CALN1: variants seen among roughly 807,000 people sequenced by gnomAD.
CALN1 encodes calcium-binding protein 8.
CALN1 carries 17 observed loss-of-function variants against 30.6 expected under a neutral mutation model. The ratio of observed to expected loss-of-function variants is 0.56; its 90% CI spans 0.38 to 0.83. The LOEUF (loss-of-function observed/expected upper bound fraction) is 0.83. CALN1 is among the 40% of genes least tolerant of loss of function. The pLI is 0.00. For missense variants in CALN1, 291 were observed against 354.9 expected (o/e 0.82, Z 1.45); for synonymous variants, 156 against 131.4 (o/e 1.19, Z -1.28).
intron 6 of CALN1, among the ~76,000 whole-genome samples, chr7:71,799,111 G>T (rs925772639): frequency 6.6e-6 from 1 of 152,180 alleles, no homozygotes; most frequent in African/African-American, 2.4e-5. Flanking sequence ...GAAGATAACT[G>T]GGGCTAGGGA....
chr7:72,362,932 C>T (rs1338161684), intron 2 of CALN1, among the ~76,000 whole-genome samples: 5 of 152,222 alleles, frequency 3.3e-5, no homozygotes, highest in Non-Finnish European at 7.3e-5. Context: ...TTTGCCCAGG[C>T]ACCTGTCCCG....
rs188410236 is a variant in CALN1 at position 72,383,926 on chromosome 7, T to A, written c.119+19325A>T. On this transcript the variant is annotated intron_variant, in intron 2 of 6. Coordinates refer to ENST00000395275, the MANE Select transcript of CALN1 (RefSeq NM_031468.4). ...AGGTTTGTTACATAGGGATACATGT[T>A]GACCCAGCAATCCCATTACTGGGTA... 5.3e-5 allele frequency among the ~76,000 whole-genome samples: 8 copies of A among 152,358 alleles called. No individual in the cohort carries two copies. The East Asian group carries it at 1.3e-3, about 26-fold the overall frequency.
chr7:72,249,132 G>C (rs1160474138), intron 3 of CALN1, among the ~76,000 whole-genome samples: 2 of 152,176 alleles, frequency 1.3e-5, no homozygotes, highest in African/African-American at 4.8e-5. Flanking sequence ...GACCTGATTA[G>C]ACACAGACAT....
At chr7:71,792,579 C>T (rs892736523) in intron 6 of CALN1, among the ~76,000 whole-genome samples, 4 of 151,938 alleles carry the variant, frequency 2.6e-5, no homozygotes, top group African/African-American at 7.3e-5. Flanking sequence ...GGGCTTTATC[C>T]CATCAGTAGG....
At chr7:72,024,485 G>A (rs1202805376) in intron 4 of CALN1, among the ~76,000 whole-genome samples, 1 of 152,062 alleles carries the variant, frequency 6.6e-6, no homozygotes, top group Non-Finnish European at 1.5e-5. Flanking sequence ...TGCAACCTCT[G>A]CCTCCTGGGT....
At chr7:72,143,547 C>T (rs1810116032) in intron 3 of CALN1, among the ~76,000 whole-genome samples, 1 of 152,208 alleles carries the variant, frequency 6.6e-6, no homozygotes, top group Non-Finnish European at 1.5e-5. Flanking sequence ...TTGGAAAACA[C>T]TCTGCAGGAT....
chr7:72,008,536 T>C (rs1317642138), intron 5 of CALN1, among the ~76,000 whole-genome samples: 1 of 151,532 alleles, frequency 6.6e-6, no homozygotes, highest in African/African-American at 2.4e-5. Context: ...AATACTAGAA[T>C]GAAAACAGAG....
At chr7:72,296,286 T>C (rs1248776649) in intron 2 of CALN1, among the ~76,000 whole-genome samples, 37 of 148,048 alleles carry the variant, frequency 2.5e-4, no homozygotes, top group African/African-American at 8.7e-4. Flanking sequence ...TGAGGATTTT[T>C]GCATCAATGT....
intron 2 of CALN1, among the ~76,000 whole-genome samples, chr7:72,371,095 G>C (rs1002310962): frequency 6.7e-6 from 1 of 149,644 alleles, no homozygotes; most frequent in South Asian, 2.1e-4. Context: ...GATAAAGTCT[G>C]GTATATTAAT....
intron 2 of CALN1, among the ~76,000 whole-genome samples, chr7:72,367,499 C>A (rs1803946486): frequency 6.6e-6 from 1 of 152,036 alleles, no homozygotes; most frequent in Non-Finnish European, 1.5e-5. Flanking sequence ...GTGGTGCATG[C>A]CTGTGATCCC....
At chr7:72,225,933 T>TA (rs1383659915) in intron 3 of CALN1, among the ~76,000 whole-genome samples, 1 of 151,830 alleles carries the variant, frequency 6.6e-6, no homozygotes, top group Admixed American at 6.6e-5. Context: ...CCGTCTCTAC[T>TA]AAAAATACAA....
chr7:72,307,584 A>G (rs1799738891), intron 2 of CALN1, among the ~76,000 whole-genome samples: 1 of 152,176 alleles, frequency 6.6e-6, no homozygotes, highest in Admixed American at 6.6e-5. Context: ...CTATGATATG[A>G]TATTATCTGG....
chr7:71,851,794 C>T (rs1424543143), intron 5 of CALN1, among the ~76,000 whole-genome samples: 6 of 151,990 alleles, frequency 3.9e-5, no homozygotes, highest in African/African-American at 1.5e-4. Flanking sequence ...AACTCTCCGC[C>T]CCGATGCAGA....
At chr7:71,836,314 A>G (rs904505716) in intron 5 of CALN1, among the ~76,000 whole-genome samples, 1 of 152,138 alleles carries the variant, frequency 6.6e-6, no homozygotes, top group Non-Finnish European at 1.5e-5. Flanking sequence ...AAGAGTAACG[A>G]CACGATGGGG....
At chr7:72,148,266 A>C (rs1055095752) in intron 3 of CALN1, among the ~76,000 whole-genome samples, 2 of 65,852 alleles carry the variant, frequency 3.0e-5, no homozygotes, top group Admixed American at 2.5e-4. Flanking sequence ...TGGTTGTTTA[A>C]AAAAAAAAAA....
In CALN1 at chr7:72,088,776, A is replaced by G. The variant is rs373075427; in HGVS notation, c.388+17375T>C. On this transcript the variant is annotated intron_variant, in intron 4 of 6. Transcript: ENST00000395275. ...AAGGAAGAGAAGGAAGAGAAGTAAG[A>G]GAAGGAAGGGAAGGAAGGAAGGAGG... 3.0e-4 allele frequency among the ~76,000 whole-genome samples: 16 copies of G among 52,688 alleles called. No homozygotes were observed. In the South Asian group the frequency reaches 0.013, roughly 43 times the overall value. The allele number at this position is 52,688 out of a possible 152,430, so 34.6% of individuals were successfully genotyped here.
intron 2 of CALN1, among the ~76,000 whole-genome samples, chr7:72,324,523 G>GCT (rs147746405): frequency 4.3e-4 from 65 of 151,058 alleles, no homozygotes; most frequent in Admixed American, 1.7e-3. Flanking sequence ...TTCAGCTCTG[G>GCT]CTCTCTCTCT....
chr7:72,371,289 G>A (rs753078692), intron 2 of CALN1, among the ~76,000 whole-genome samples: 6 of 152,148 alleles, frequency 3.9e-5, no homozygotes, highest in Non-Finnish European at 7.4e-5. Context: ...ATGTTTGCAT[G>A]TATGCATATG....
chr7:71,898,016 G>GA (rs1562882209), intron 5 of CALN1, among the ~76,000 whole-genome samples: 1 of 77,604 alleles, frequency 1.3e-5, no homozygotes, highest in Non-Finnish European at 2.6e-5. Context: ...AGGGAGGGGG[G>GA]GGGAGAGAGA....
Sources: allele counts gnomAD v4.1 joint callset (sites outside exome capture counted in the v4.1 genomes callset), GRCh38; gene constraint gnomAD v4.1.1; transcripts MANE v1.5; gene names NCBI Gene and HGNC (gene_info 2026-07-23, HGNC 2026-07-21).